Variants in MTCH2 observed in about 807,000 individuals in gnomAD.
MTCH2 encodes the protein mitochondrial carrier 2.
Under a neutral mutation model 50.6 loss-of-function variants are expected in MTCH2, and 25 were observed. The ratio of observed to expected loss-of-function variants is 0.49; its 90% confidence interval spans 0.36 to 0.69. The LOEUF (loss-of-function observed/expected upper bound fraction) is 0.69. Ranked by LOEUF, MTCH2 falls within the 30% of genes least tolerant of loss-of-function variation. The pLI, the probability that MTCH2 is intolerant of heterozygous loss-of-function variation, is 0.00. For synonymous variants in MTCH2, 106 were observed against 132.0 expected, an observed-to-expected ratio of 0.80 and a Z score of 1.35; for missense variants, 273 against 384.4, an observed-to-expected ratio of 0.71 and a Z score of 2.42.
At chr11:47,631,110 G>A in intron 6 of MTCH2, 23 bp from the exon 7 acceptor site, 1 of 1,605,584 alleles carries the variant, frequency 6.2e-7, no homozygotes, top group Non-Finnish European at 8.5e-7. Flanking sequence ...GAGAAAAGAT[G>A]TTTACAACTA....
chr11:47,628,917 C>T, intron 9 of MTCH2, 36 bp downstream of exon 9: 19 of 1,576,314 alleles, frequency 1.2e-5, no homozygotes, highest in Non-Finnish European at 1.7e-5. Context: ...CAGATTAAAG[C>T]CAAGGTGAGC....
chr11:47,625,994 C>T (rs764266367), intron 10 of MTCH2, among the ~76,000 whole-genome samples: 8 of 151,852 alleles, frequency 5.3e-5, no homozygotes, highest in Non-Finnish European at 1.0e-4. Context: ...ACTATAGGCG[C>T]ACGCCACCAT....
chr11:47,642,430 G>A lies in MTCH2; in HGVS notation c.36C>T (p.Ser12=), dbSNP rs1471430826. ...GCGGCTGGGACAGGATGGTGAGACC[G>A]GAGCCCAGGAGCACCTGACTGGCCG... is the stretch of plus-strand genomic sequence containing the variant. ...ADAASQVLLG[S]GLTILSQPLM... is the part of the protein sequence containing the mutation. Residue 12 remains serine (S), a synonymous_variant, in exon 1 of 13, where the codon TCC becomes TCT. Transcript: ENST00000302503. 2 of 1,608,304 alleles carry A rather than the reference G, an allele frequency of 1.2e-6. No individual in the cohort carries two copies. The highest frequency in any genetic ancestry group is 8.5e-7 in the Non-Finnish European group (1 of 1,177,774).
At chr11:47,616,154 A>G (rs1231353669), downstream of MTCH2, among the ~76,000 whole-genome samples, 1 of 151,928 alleles carries the variant, frequency 6.6e-6, no homozygotes, top group Non-Finnish European at 1.5e-5. Flanking sequence ...TTTAAAAAAT[A>G]GAGACAGGGT....
At chr11:47,628,067 T>A (rs760046804) in intron 9 of MTCH2, among the ~76,000 whole-genome samples, 4 of 152,142 alleles carry the variant, frequency 2.6e-5, no homozygotes, top group Non-Finnish European at 4.4e-5. Context: ...ACCAGATGCG[T>A]TGAAGAAAAT....
At chr11:47,610,320 T>C in the MTCH2 span, among the ~76,000 whole-genome samples, 1 of 152,220 alleles carries the variant, frequency 6.6e-6, no homozygotes, top group Non-Finnish European at 1.5e-5. Context: ...TTATTGTCTA[T>C]ACTTGGAAAG....
At chr11:47,607,226 T>C in the MTCH2 span, among the ~76,000 whole-genome samples, 1 of 152,230 alleles carries the variant, frequency 6.6e-6, no homozygotes, top group African/African-American at 2.4e-5. Context: ...GACATATGTA[T>C]GTACCTGTGC....
intron 1 of MTCH2, among the ~76,000 whole-genome samples, chr11:47,640,893 T>C (rs1216878399): frequency 6.6e-6 from 1 of 151,668 alleles, no homozygotes; most frequent in Non-Finnish European, 1.5e-5. Context: ...GTGGGTTCTT[T>C]TTTGTTTTGT....
At chr11:47,634,130 T>C (rs1441076821) in intron 5 of MTCH2, among the ~76,000 whole-genome samples, 1 of 152,168 alleles carries the variant, frequency 6.6e-6, no homozygotes, top group Admixed American at 6.6e-5. Flanking sequence ...GGCTGGAGTA[T>C]GGTGGCACAA....
chr11:47,617,290 C>T (rs886346955), downstream of MTCH2: 3 of 152,156 alleles, frequency 2.0e-5, no homozygotes, highest in African/African-American at 7.2e-5. Context: ...CATGAAAGTT[C>T]ACAGAAGCCA....
intron 5 of MTCH2, 126 bp from the exon 6 acceptor site, chr11:47,631,837 C>G: frequency 2.2e-6 from 2 of 912,000 alleles, no homozygotes; most frequent in East Asian, 5.1e-5. Flanking sequence ...CCTGCCCTGG[C>G]TGGAGTCAAG....
chr11:47,638,694 C>T lies in MTCH2; in HGVS notation c.279+5G>A, dbSNP rs768188362. On this transcript the variant is annotated splice_donor_5th_base_variant and intron_variant, in intron 3 of 12. Coordinates refer to ENST00000302503, the MANE Select transcript of MTCH2 (RefSeq NM_014342.4). ...ATGGGAAGATTGATTTAATTTTCCTCTTACCTGTAAAACTTTACCATGGAC... is the reference window on the plus strand; with the variant it reads ...ATGGGAAGATTGATTTAATTTTCCTTTTACCTGTAAAACTTTACCATGGAC... The T allele has an allele frequency of 1.6e-6, 2 of 1,287,890 alleles. No individual in the cohort carries two copies. Among genetic ancestry groups the T allele is most frequent in the Non-Finnish European group, 2.0e-6 (2 of 1,011,776 alleles). The allele number at this position is 1,287,890 out of a possible 1,614,324, so 79.8% of individuals were successfully genotyped here.
chr11:47,639,595 T>C (rs1174675475), intron 1 of MTCH2, among the ~76,000 whole-genome samples: 1 of 152,178 alleles, frequency 6.6e-6, no homozygotes, highest in Non-Finnish European at 1.5e-5. Context: ...TCCCAGTACT[T>C]TGGGAGACCG....
At chr11:47,623,112 T>C (rs2097294794) in intron 11 of MTCH2, among the ~76,000 whole-genome samples, 1 of 151,684 alleles carries the variant, frequency 6.6e-6, no homozygotes, top group Non-Finnish European at 1.5e-5. Context: ...GGCTCACACC[T>C]GTAATTCCAG....
chr11:47,628,642 T>C (rs2097300226), intron 9 of MTCH2, among the ~76,000 whole-genome samples: 1 of 152,192 alleles, frequency 6.6e-6, no homozygotes, highest in African/African-American at 2.4e-5. Flanking sequence ...TGGCGCGATC[T>C]TGGCTCACTG....
chr11:47,634,037 G>A (rs2097306193), intron 5 of MTCH2, among the ~76,000 whole-genome samples: 1 of 152,130 alleles, frequency 6.6e-6, no homozygotes, highest in African/African-American at 2.4e-5. Flanking sequence ...GAGCCTTTCT[G>A]CATAGATACT....
Position 47,631,053 on chromosome 11 carries a change from GCCAATGAACTGTA to G in MTCH2, c.449_461del (p.Val150AlafsTer13). ...ATACTTACCAGTACTTGGATTCTCT[GCCAATGAACTGTA>G]CCATAGATCTCAGAGTGATCACTGT... is the stretch of plus-strand genomic sequence containing the variant. On this transcript the variant is annotated frameshift_variant, in exon 7 of 13. Transcript: ENST00000302503. LOFTEE classifies it high-confidence loss of function. 1 of 1,612,842 alleles carries G rather than the reference GCCAATGAACTGTA, an allele frequency of 6.2e-7. No homozygotes were observed. The highest frequency in any genetic ancestry group is 8.5e-7 in the Non-Finnish European group (1 of 1,178,906).
At chr11:47,639,831 C>A (rs976232904) in intron 1 of MTCH2, among the ~76,000 whole-genome samples, 1 of 152,032 alleles carries the variant, frequency 6.6e-6, no homozygotes, top group Middle Eastern at 3.4e-3. Flanking sequence ...AACAGCGAGA[C>A]TCCATCTCAA....
intron 1 of MTCH2, among the ~76,000 whole-genome samples, chr11:47,641,118 A>G (rs2097313777): frequency 6.6e-6 from 1 of 152,028 alleles, no homozygotes; most frequent in African/African-American, 2.4e-5. Flanking sequence ...ACTGGTCTCA[A>G]ACATCGACCT....
Sources: allele counts gnomAD v4.1 joint callset (sites outside exome capture counted in the v4.1 genomes callset), GRCh38; gene constraint gnomAD v4.1.1; transcripts MANE v1.5; gene names NCBI Gene and HGNC (gene_info 2026-07-23, HGNC 2026-07-21).